Variants in EXOC6B observed in about 807,000 individuals in gnomAD.
EXOC6B encodes exocyst complex component 6B.
A neutral mutation model predicts 113.5 loss-of-function variants in EXOC6B; 54 were observed. That is an observed-to-expected ratio of 0.48 (90% confidence interval 0.38 to 0.60). The LOEUF (loss-of-function observed/expected upper bound fraction) is 0.60. Ranked by LOEUF, EXOC6B falls within the 20% of genes least tolerant of loss-of-function variation. The pLI is 0.00. For missense variants in EXOC6B, 797 were observed against 977.5 expected (o/e 0.82, Z 2.46); for synonymous variants, 357 against 339.0 (o/e 1.05, Z -0.58).
Position 72,638,698 on chromosome 2 carries a change from C to G in EXOC6B, c.670-63030G>C. On this transcript the variant is annotated intron_variant, in intron 6 of 21. Coordinates refer to ENST00000272427, the MANE Select transcript of EXOC6B (RefSeq NM_015189.3). ...CCACCACAGACACTCGAGTTGGCAG[C>G]GAGAGCTGCTTAGAGAAGTGGTAGG... 1.3e-5 allele frequency among the ~76,000 whole-genome samples: 2 copies of G among 152,150 alleles called. 1 individual carries two copies. The highest frequency in any genetic ancestry group is 3.8e-4 in the East Asian group (2 of 5,196).
At chr2:72,821,957 A>T (rs1009580695) in intron 1 of EXOC6B, among the ~76,000 whole-genome samples, 1 of 152,206 alleles carries the variant, frequency 6.6e-6, no homozygotes, top group Non-Finnish European at 1.5e-5. Flanking sequence ...ATGATACATG[A>T]ATTATATCTC....
At chr2:72,621,641 A>G (rs1671754085) in intron 6 of EXOC6B, among the ~76,000 whole-genome samples, 1 of 152,178 alleles carries the variant, frequency 6.6e-6, no homozygotes, top group South Asian at 2.1e-4. Context: ...ATTTGAAAGG[A>G]AATATATATA....
chr2:72,273,883 A>C (rs1284466503), intron 20 of EXOC6B, among the ~76,000 whole-genome samples: 7 of 152,302 alleles, frequency 4.6e-5, no homozygotes, highest in African/African-American at 4.8e-5. Context: ...ATGCGAAAGC[A>C]GTGGGAACAC....
intron 8 of EXOC6B, among the ~76,000 whole-genome samples, chr2:72,551,080 T>C (rs1703194934): frequency 6.6e-6 from 1 of 152,152 alleles, no homozygotes; most frequent in Non-Finnish European, 1.5e-5. Context: ...ATGTAGGTAA[T>C]TATTATCCTA....
intron 5 of EXOC6B, among the ~76,000 whole-genome samples, chr2:72,722,714 C>T (rs771009398): frequency 2.9e-4 from 44 of 152,232 alleles, no homozygotes; most frequent in Non-Finnish European, 4.4e-4. Flanking sequence ...CAATAAAATG[C>T]AATTCCTCTA....
At chr2:72,275,012 A>AT (rs912867526) in intron 20 of EXOC6B, among the ~76,000 whole-genome samples, 5 of 152,100 alleles carry the variant, frequency 3.3e-5, no homozygotes, top group Non-Finnish European at 7.4e-5. Context: ...GATGAGATGG[A>AT]TTTTTTTGCC....
intron 18 of EXOC6B, among the ~76,000 whole-genome samples, chr2:72,454,609 T>C (rs769437091): frequency 6.6e-6 from 1 of 152,210 alleles, no homozygotes; most frequent in Non-Finnish European, 1.5e-5. Context: ...ATTCTCCTTA[T>C]TTTCTATGTT....
In EXOC6B at chr2:72,514,948, C is replaced by T. The variant is rs10205847; in HGVS notation, c.999+95G>A. The T allele has an allele frequency of 6.0e-3, 6,357 of 1,065,912 alleles. 261 individuals are homozygous for T. In the African/African-American group the frequency reaches 0.12, roughly 20 times the overall value. 66.0% of individuals were successfully genotyped at this position (1,065,912 alleles called of 1,614,324 possible). A position where few individuals can be genotyped will look rare whatever the true frequency, so the allele number is the denominator to read the frequency against. On this transcript the variant is annotated intron_variant, in intron 9 of 21. Coordinates refer to ENST00000272427, the MANE Select transcript of EXOC6B (RefSeq NM_015189.3). ...GTCTCAGAATGACAGTAAACACACA[C>T]ACACAGACACACACACACACACACA...
chr2:72,473,107 T>C (rs766679984), intron 17 of EXOC6B, among the ~76,000 whole-genome samples: 1 of 152,192 alleles, frequency 6.6e-6, no homozygotes, highest in African/African-American at 2.4e-5. Flanking sequence ...ATATGGTCTA[T>C]CTTGGAGAAT....
chr2:72,761,755 T>C (rs1682753009), intron 1 of EXOC6B, among the ~76,000 whole-genome samples: 1 of 152,098 alleles, frequency 6.6e-6, no homozygotes, highest in African/African-American at 2.4e-5. Flanking sequence ...TATCTTCCTT[T>C]GAGGGTGCCC....
At chr2:72,597,749 T>C (rs891936384) in intron 6 of EXOC6B, among the ~76,000 whole-genome samples, 5 of 151,826 alleles carry the variant, frequency 3.3e-5, no homozygotes, top group African/African-American at 1.2e-4. Context: ...TGGGGAAACA[T>C]ATACCACACG....
intron 1 of EXOC6B, among the ~76,000 whole-genome samples, chr2:72,742,677 TCACTGATGTGC>T (rs1291658484): frequency 6.6e-6 from 1 of 152,214 alleles, no homozygotes; most frequent in Admixed American, 6.5e-5. Context: ...TCTTAACCTC[TCACTGATGTGC>T]CTTCTCAATA....
At chr2:72,321,533 CAA>C (rs766214952) in intron 20 of EXOC6B, among the ~76,000 whole-genome samples, 1 of 61,158 alleles carries the variant, frequency 1.6e-5, no homozygotes, top group African/African-American at 5.7e-5. Flanking sequence ...GACTCCGTCT[CAA>C]AAAAAAAAAA....
At chr2:72,586,164 A>G (rs756732381) in intron 6 of EXOC6B, among the ~76,000 whole-genome samples, 29 of 152,266 alleles carry the variant, frequency 1.9e-4, no homozygotes, top group Non-Finnish European at 3.4e-4. Flanking sequence ...AACCTAGGAA[A>G]TGTCATTCCA....
chr2:72,741,907 T>C (rs1039029451), intron 1 of EXOC6B, among the ~76,000 whole-genome samples: 1 of 152,224 alleles, frequency 6.6e-6, no homozygotes, highest in African/African-American at 2.4e-5. Context: ...AGGCAGTCAA[T>C]ATCGCTAGAT....
chr2:72,375,258 A>T (rs1558605179), intron 19 of EXOC6B, among the ~76,000 whole-genome samples: 1 of 152,184 alleles, frequency 6.6e-6, no homozygotes, highest in South Asian at 2.1e-4. Flanking sequence ...TAAAACAAGT[A>T]TAAAAAAATC....
chr2:72,329,291 C>T (rs1167276570), intron 20 of EXOC6B, among the ~76,000 whole-genome samples: 1 of 152,052 alleles, frequency 6.6e-6, no homozygotes, highest in African/African-American at 2.4e-5. Flanking sequence ...TGGGAAATGG[C>T]TTCCTGTTAA....
chr2:72,691,481 T>A (rs1263144988), intron 6 of EXOC6B, among the ~76,000 whole-genome samples: 1 of 152,020 alleles, frequency 6.6e-6, no homozygotes, highest in African/African-American at 2.4e-5. Context: ...ACAACATAGT[T>A]TAGCTTATAG....
At position 72,763,574 on chromosome 2, in the gene EXOC6B, C is replaced by T. The variant is rs1682872943; in HGVS notation, c.114-22105G>A. Reference sequence around the variant, plus strand: ...AGTAGCTGGGACTACAGGTGCGTGCCACCACACCCGGGTAATTTTTGTATT... The same window carrying T: ...AGTAGCTGGGACTACAGGTGCGTGCTACCACACCCGGGTAATTTTTGTATT... On this transcript the variant is annotated intron_variant, in intron 1 of 21. Coordinates refer to ENST00000272427, the MANE Select transcript of EXOC6B (RefSeq NM_015189.3). 3.3e-5 allele frequency among the ~76,000 whole-genome samples: 5 copies of T among 151,956 alleles called. No homozygotes were observed. In the South Asian group the frequency reaches 1.0e-3, roughly 32 times the overall value.
Sources: gnomAD v4.1 joint callset for allele counts (sites outside exome capture counted in the v4.1 genomes callset) on GRCh38, gnomAD v4.1.1 for gene constraint, MANE v1.5 for transcripts, NCBI Gene and HGNC (gene_info 2026-07-23, HGNC 2026-07-21) for gene names.